XPR1: variants seen among roughly 807,000 people sequenced by gnomAD.
XPR1 encodes solute carrier family 53 member 1.
In XPR1, 28 loss-of-function variants were observed where a neutral mutation model predicts 87.5. The ratio of observed to expected loss-of-function variants is 0.32; its 90% CI spans 0.24 to 0.44. XPR1 has a LOEUF of 0.44. Ranked by LOEUF, XPR1 falls within the 20% of genes least tolerant of loss-of-function variation. The pLI, the probability that XPR1 is intolerant of heterozygous loss-of-function variation, is 1.00. For missense variants in XPR1, 559 were observed against 862.3 expected (o/e 0.65, Z 4.41); for synonymous variants, 300 against 306.1 (o/e 0.98, Z 0.21).
intron 2 of XPR1, among the ~76,000 whole-genome samples, chr1:180,771,523 G>GT (rs763383826): frequency 6.6e-6 from 1 of 152,028 alleles, no homozygotes; most frequent in Non-Finnish European, 1.5e-5. Context: ...GTTTTACCAG[G>GT]TTTTTTTCTT....
At chr1:180,881,871 GAAAAT>G (rs1034635609) in intron 14 of XPR1, among the ~76,000 whole-genome samples, 7 of 152,126 alleles carry the variant, frequency 4.6e-5, no homozygotes, top group African/African-American at 1.4e-4. Context: ...GAGAAAAAAA[GAAAAT>G]AAACAAAAGA....
At chr1:180,857,320 A>C (rs1652070438) in intron 11 of XPR1, among the ~76,000 whole-genome samples, 2 of 152,160 alleles carry the variant, frequency 1.3e-5, no homozygotes, top group Non-Finnish European at 2.9e-5. Flanking sequence ...CACTGTGTGA[A>C]ATCATCATCT....
At chr1:180,677,461 G>A (rs1483289817) in intron 1 of XPR1, among the ~76,000 whole-genome samples, 1 of 152,078 alleles carries the variant, frequency 6.6e-6, no homozygotes, top group African/African-American at 2.4e-5. Flanking sequence ...TGTCCTCTTG[G>A]TGCTGAATCA....
At chr1:180,667,575 G>T (rs77440077) in intron 1 of XPR1, among the ~76,000 whole-genome samples, 1 of 152,086 alleles carries the variant, frequency 6.6e-6, no homozygotes, top group East Asian at 1.9e-4. Flanking sequence ...TTCTTGTAGC[G>T]TATTTGTCTG....
At chr1:180,850,321 G>A (rs1651824917) in intron 11 of XPR1, among the ~76,000 whole-genome samples, 1 of 152,150 alleles carries the variant, frequency 6.6e-6, no homozygotes, top group Non-Finnish European at 1.5e-5. Flanking sequence ...ACGTGGAAGA[G>A]ATTTTGGCTT....
intron 4 of XPR1, among the ~76,000 whole-genome samples, chr1:180,804,711 A>G (rs183662155): frequency 2.3e-3 from 352 of 152,282 alleles, no homozygotes; most frequent in African/African-American, 7.7e-3. Flanking sequence ...CTATAATTCT[A>G]CTTTGTTCTT....
Position 180,638,166 on chromosome 1 carries a change from AT to A in XPR1, c.69+5901del, listed in dbSNP as rs529812379. 5.6e-3 allele frequency among the ~76,000 whole-genome samples: 845 copies of A among 152,226 alleles called. 11 individuals are homozygous for A. The highest frequency in any genetic ancestry group is 0.019 in the African/African-American group (804 of 41,550). On this transcript the variant is annotated intron_variant, in intron 1 of 14. Coordinates refer to ENST00000367590, the MANE Select transcript of XPR1 (RefSeq NM_004736.4). Reference sequence around the variant, plus strand: ...ATTGATAATTTCTTAGATCAAAAATATTTTTGTACTGTTCATAAATGAAAGG... The same window carrying A: ...ATTGATAATTTCTTAGATCAAAAATATTTTGTACTGTTCATAAATGAAAGG...
intron 7 of XPR1, among the ~76,000 whole-genome samples, chr1:180,817,306 T>C (rs1052922776): frequency 6.6e-6 from 1 of 151,992 alleles, no homozygotes; most frequent in Non-Finnish European, 1.5e-5. Flanking sequence ...AAGAAAAAAA[T>C]TTTTTTATAA....
At chr1:180,785,241 C>T (rs1269212348) in intron 2 of XPR1, among the ~76,000 whole-genome samples, 2 of 151,910 alleles carry the variant, frequency 1.3e-5, no homozygotes, top group Non-Finnish European at 2.9e-5. Flanking sequence ...CCTCCACCTC[C>T]TCCCAGGTTC....
chr1:180,846,663 A>T (rs952753245), intron 11 of XPR1, among the ~76,000 whole-genome samples: 1 of 151,918 alleles, frequency 6.6e-6, no homozygotes, highest in African/African-American at 2.4e-5. Flanking sequence ...GCTGGTCTCA[A>T]ACTCCTGACC....
intron 2 of XPR1, among the ~76,000 whole-genome samples, chr1:180,733,491 A>G (rs1658626192): frequency 6.6e-6 from 1 of 152,206 alleles, no homozygotes; most frequent in Non-Finnish European, 1.5e-5. Flanking sequence ...AAAAAGCACT[A>G]GGTGGAGATA....
chr1:180,793,844 TTCTC>T, intron 3 of XPR1, among the ~76,000 whole-genome samples: 1 of 152,298 alleles, frequency 6.6e-6, no homozygotes, highest in East Asian at 1.9e-4. Context: ...CTCATTTTCT[TTCTC>T]TCCTTTTTTT....
intron 2 of XPR1, among the ~76,000 whole-genome samples, chr1:180,758,142 C>CACACAT (rs1647832181): frequency 1.3e-5 from 2 of 151,056 alleles, no homozygotes; most frequent in South Asian, 4.2e-4. Flanking sequence ...CACACACACA[C>CACACAT]ACACATTATT....
At chr1:180,872,668 C>T (rs1252658161) in intron 12 of XPR1, among the ~76,000 whole-genome samples, 1 of 135,318 alleles carries the variant, frequency 7.4e-6, no homozygotes, top group Non-Finnish European at 1.6e-5. Flanking sequence ...CCTCGCCCTG[C>T]TTCGGCTCGC....
intron 2 of XPR1, among the ~76,000 whole-genome samples, chr1:180,690,001 C>G (rs1339116704): frequency 6.6e-6 from 1 of 151,884 alleles, no homozygotes; most frequent in Non-Finnish European, 1.5e-5. Context: ...ACTAAAAATA[C>G]AAAAATTAGC....
intron 11 of XPR1, among the ~76,000 whole-genome samples, chr1:180,859,749 G>A (rs1296277479): frequency 6.6e-6 from 1 of 152,078 alleles, no homozygotes; most frequent in Non-Finnish European, 1.5e-5. Flanking sequence ...CCTCATGTAT[G>A]TTTCATAGAA....
chr1:180,726,878 CTT>C (rs57684804), intron 2 of XPR1, among the ~76,000 whole-genome samples: 17 of 142,716 alleles, frequency 1.2e-4, no homozygotes, highest in Middle Eastern at 3.6e-3. Flanking sequence ...TGTTTTCTTT[CTT>C]TTTTTTTTTT....
At chr1:180,820,605 T>C (rs890248664) in intron 7 of XPR1, among the ~76,000 whole-genome samples, 4 of 152,248 alleles carry the variant, frequency 2.6e-5, no homozygotes, top group African/African-American at 9.6e-5. Flanking sequence ...TGGATTTGTT[T>C]AGTACCTGTT....
intron 2 of XPR1, among the ~76,000 whole-genome samples, chr1:180,714,391 C>G (rs900933998): frequency 2.8e-5 from 4 of 143,494 alleles, no homozygotes; most frequent in African/African-American, 8.2e-5. Context: ...CTCTCTCTCT[C>G]TCTCTCTCTC....
Sources: allele counts gnomAD v4.1 joint callset (sites outside exome capture counted in the v4.1 genomes callset), GRCh38; gene constraint gnomAD v4.1.1; transcripts MANE v1.5; gene names NCBI Gene and HGNC (gene_info 2026-07-23, HGNC 2026-07-21).